The following COL25A1 variants were observed in gnomAD, a reference collection of about 807,000 sequenced individuals.
COL25A1 encodes the protein collagen type XXV alpha 1 chain, also known as collagen alpha-1(XXV) chain.
COL25A1 carries 103 observed loss-of-function variants against 128.4 expected under a neutral mutation model. The ratio of observed to expected loss-of-function variants is 0.80; its 90% CI spans 0.68 to 0.94. The LOEUF is 0.94. Among genes scored for constraint, COL25A1 ranks in the 40% least tolerant of loss-of-function variants. COL25A1 has a pLI of 0.00. For synonymous variants in COL25A1, 279 were observed against 277.2 expected (o/e 1.01, Z -0.06); for missense variants, 745 against 840.0 (o/e 0.89, Z 1.40).
intron 3 of COL25A1, among the ~76,000 whole-genome samples, chr4:109,266,346 T>C (rs1263959514): frequency 6.6e-6 from 1 of 152,202 alleles, no homozygotes; most frequent in Non-Finnish European, 1.5e-5. Context: ...GCTACAATTA[T>C]TCTCTGGAAA....
intron 3 of COL25A1, among the ~76,000 whole-genome samples, chr4:109,111,613 T>G (rs1372477437): frequency 6.6e-6 from 1 of 152,210 alleles, no homozygotes; most frequent in African/African-American, 2.4e-5. Flanking sequence ...GGATAATGGC[T>G]GGACCTTCTG....
chr4:109,195,411 C>T (rs965627113), intron 3 of COL25A1, among the ~76,000 whole-genome samples: 3 of 152,068 alleles, frequency 2.0e-5, no homozygotes, highest in Non-Finnish European at 2.9e-5. Flanking sequence ...AACTTTATAT[C>T]GACTTATCTT....
chr4:108,991,416 A>G (rs1156969802), intron 6 of COL25A1, among the ~76,000 whole-genome samples: 1 of 152,236 alleles, frequency 6.6e-6, no homozygotes, highest in Non-Finnish European at 1.5e-5. Context: ...ACTCTTAAAG[A>G]CATAAACTAT....
intron 31 of COL25A1, among the ~76,000 whole-genome samples, chr4:108,835,859 G>GTTTTTTTTTTTTT (rs1560721327): frequency 2.2e-5 from 2 of 89,518 alleles, no homozygotes; most frequent in Non-Finnish European, 4.2e-5. Context: ...GCTTACATAC[G>GTTTTTTTTTTTTT]TCTTTTTTTT....
intron 3 of COL25A1, among the ~76,000 whole-genome samples, chr4:109,170,390 G>A (rs976070888): frequency 2.6e-5 from 4 of 151,974 alleles, no homozygotes; most frequent in African/African-American, 7.3e-5. Flanking sequence ...ACTTCTGTTC[G>A]GTGCAGGCCA....
At chr4:109,224,106 A>G (rs1420692618) in intron 3 of COL25A1, among the ~76,000 whole-genome samples, 2 of 152,166 alleles carry the variant, frequency 1.3e-5, no homozygotes, top group African/African-American at 4.8e-5. Context: ...ATTTTTTAAG[A>G]GTACATATGA....
chr4:109,152,913 C>T (rs961522998), intron 3 of COL25A1, among the ~76,000 whole-genome samples: 2 of 151,924 alleles, frequency 1.3e-5, no homozygotes, highest in Non-Finnish European at 2.9e-5. Flanking sequence ...TTAATGGGTA[C>T]AGAGATTCAG....
At chr4:108,843,000 C>T (rs1734624284) in intron 30 of COL25A1, among the ~76,000 whole-genome samples, 1 of 151,538 alleles carries the variant, frequency 6.6e-6, no homozygotes, top group South Asian at 2.1e-4. Context: ...CAAAAATTAA[C>T]TGGGCGTGGT....
At chr4:108,816,856 A>G (rs566839935) in intron 37 of COL25A1, among the ~76,000 whole-genome samples, 1 of 152,322 alleles carries the variant, frequency 6.6e-6, no homozygotes, top group Non-Finnish European at 1.5e-5. Flanking sequence ...CACTGAATAC[A>G]CACACAGTGA....
At chr4:108,956,163 T>C (rs1270151912) in intron 8 of COL25A1, among the ~76,000 whole-genome samples, 1 of 152,194 alleles carries the variant, frequency 6.6e-6, no homozygotes, top group East Asian at 1.9e-4. Flanking sequence ...TATAACAGAA[T>C]ACTAATTTTA....
At chr4:109,293,380 C>T (rs965912537) in intron 3 of COL25A1, among the ~76,000 whole-genome samples, 5 of 151,960 alleles carry the variant, frequency 3.3e-5, no homozygotes, top group African/African-American at 4.8e-5. Flanking sequence ...TCTCCTTACA[C>T]GTGAACTCTT....
chr4:109,269,765 A>C (rs984633249), intron 3 of COL25A1, among the ~76,000 whole-genome samples: 1 of 152,184 alleles, frequency 6.6e-6, no homozygotes, highest in African/African-American at 2.4e-5. Context: ...AGACACAACC[A>C]AAAAAGAGAA....
At chr4:109,042,054 T>A (rs770380669) in intron 5 of COL25A1, among the ~76,000 whole-genome samples, 1 of 152,076 alleles carries the variant, frequency 6.6e-6, no homozygotes, top group Non-Finnish European at 1.5e-5. Context: ...TTCTTCCTTG[T>A]TCCTTTTTAA....
At chr4:109,133,544 G>T (rs1769418725) in intron 3 of COL25A1, among the ~76,000 whole-genome samples, 1 of 152,052 alleles carries the variant, frequency 6.6e-6, no homozygotes, top group Non-Finnish European at 1.5e-5. Context: ...CTCAGTGTTT[G>T]TTAGGAAAGT....
intron 3 of COL25A1, among the ~76,000 whole-genome samples, chr4:109,166,566 G>C (rs1470122680): frequency 6.6e-6 from 1 of 152,162 alleles, no homozygotes; most frequent in Non-Finnish European, 1.5e-5. Flanking sequence ...AGTTGGAACA[G>C]GTGCTATGTC....
chr4:109,070,235 G>A (rs1444895977), intron 3 of COL25A1, among the ~76,000 whole-genome samples: 5 of 151,020 alleles, frequency 3.3e-5, no homozygotes, highest in East Asian at 3.9e-4. Context: ...GAGACAGAGC[G>A]AGACTCTGTC....
chr4:109,003,315 G>A (rs1755637365), intron 6 of COL25A1, among the ~76,000 whole-genome samples: 1 of 152,180 alleles, frequency 6.6e-6, no homozygotes, highest in Admixed American at 6.5e-5. Context: ...AACAGAGACT[G>A]GGTCTGCTTA....
chr4:108,961,244 G>A (rs9307326), intron 8 of COL25A1, among the ~76,000 whole-genome samples: 23,442 of 152,026 alleles, frequency 0.15, 2,393 homozygotes, highest in East Asian at 0.41. Context: ...GACATTATTG[G>A]TGAGTGTAAT....
chr4:108,813,977 T>C (rs2305436), intron 37 of COL25A1, 48 bp from the exon 38 acceptor site: 796,406 of 1,433,774 alleles, frequency 0.56, 224,344 homozygotes, highest in South Asian at 0.6. Context: ...TTAGTAGTCT[T>C]GAATTAAAAT....
Sources: gnomAD v4.1 joint callset for allele counts (sites outside exome capture counted in the v4.1 genomes callset) on GRCh38, gnomAD v4.1.1 for gene constraint, MANE v1.5 for transcripts, NCBI Gene and HGNC (gene_info 2026-07-23, HGNC 2026-07-21) for gene names.